The following ITGBL1 variants were observed in gnomAD, a reference collection of about 807,000 sequenced individuals.
ITGBL1 encodes integrin beta-like protein 1.
Under a neutral mutation model 68.5 loss-of-function variants are expected in ITGBL1, and 51 were observed. The ratio of observed to expected loss-of-function variants is 0.74; its 90% CI spans 0.59 to 0.94. The LOEUF is 0.94. ITGBL1 is among the 40% of genes least tolerant of loss of function. The pLI, the probability that ITGBL1 is intolerant of heterozygous loss-of-function variation, is 0.00. For synonymous variants in ITGBL1, 209 were observed against 227.3 expected (o/e 0.92, Z 0.72); for missense variants, 649 against 647.4 (o/e 1.00, Z -0.03).
intron 2 of ITGBL1, among the ~76,000 whole-genome samples, chr13:101,456,646 G>A (rs1322852743): frequency 6.6e-6 from 1 of 151,920 alleles, no homozygotes; most frequent in East Asian, 1.9e-4. Flanking sequence ...TGGGTGTGGT[G>A]GTTCATGCCT....
chr13:101,536,975 G>A (rs115788508), intron 2 of ITGBL1, among the ~76,000 whole-genome samples: 1,851 of 152,022 alleles, frequency 0.012, 26 homozygotes, highest in African/African-American at 0.043. Context: ...CTTTGAGAAG[G>A]ATGCTTTTGT....
intron 2 of ITGBL1, among the ~76,000 whole-genome samples, chr13:101,525,435 T>C (rs2139144532): frequency 6.6e-6 from 1 of 151,762 alleles, no homozygotes; most frequent in South Asian, 2.1e-4. Context: ...GCAACTAAAA[T>C]AGAATTGACT....
intron 7 of ITGBL1, among the ~76,000 whole-genome samples, chr13:101,681,562 C>T (rs557914016): frequency 6.6e-6 from 1 of 152,124 alleles, no homozygotes; most frequent in Admixed American, 6.6e-5. Flanking sequence ...CTGTCTTGTT[C>T]GTCTTCTTGT....
intron 2 of ITGBL1, among the ~76,000 whole-genome samples, chr13:101,507,227 C>T (rs2049040566): frequency 6.6e-6 from 1 of 152,168 alleles, no homozygotes; most frequent in African/African-American, 2.4e-5. Context: ...CCCTGCTTTT[C>T]CTACCAGAAG....
At chr13:101,528,690 G>C (rs1351190205) in intron 2 of ITGBL1, among the ~76,000 whole-genome samples, 1 of 151,948 alleles carries the variant, frequency 6.6e-6, no homozygotes. Flanking sequence ...TATAATGAAT[G>C]TTCTGTCAAA....
At chr13:101,605,792 A>G (rs1165146671) in intron 7 of ITGBL1, among the ~76,000 whole-genome samples, 2 of 4,748 alleles carry the variant, frequency 4.2e-4, no homozygotes, top group Non-Finnish European at 6.5e-3. Flanking sequence ...GTATGTGCGT[A>G]TATGTACTCG....
chr13:101,452,726 T>C lies in ITGBL1; in HGVS notation c.-108T>C. 2.4e-6 allele frequency: 2 copies of C among 834,906 alleles called. No homozygotes were observed. Among genetic ancestry groups the C allele is most frequent in the Admixed American group, 3.7e-5 (2 of 54,020 alleles). 51.7% of individuals were successfully genotyped at this position (834,906 alleles called of 1,614,324 possible). ...ACCTGCAAGCCTGGGTGTCCGTGGG[T>C]CCGTCTGCCCAGCCATCTGCTGGTG... On this transcript the variant is annotated 5_prime_UTR_variant, in exon 1 of 11. Coordinates refer to ENST00000376180, the MANE Select transcript of ITGBL1 (RefSeq NM_004791.3).
chr13:101,457,350 C>T (rs1439093237), intron 2 of ITGBL1, among the ~76,000 whole-genome samples: 2 of 152,288 alleles, frequency 1.3e-5, no homozygotes, highest in Non-Finnish European at 2.9e-5. Context: ...GTAGGGATAA[C>T]TATTTTGGCC....
At chr13:101,525,816 T>C (rs546663560) in intron 2 of ITGBL1, among the ~76,000 whole-genome samples, 9 of 152,194 alleles carry the variant, frequency 5.9e-5, no homozygotes, top group Non-Finnish European at 1.0e-4. Flanking sequence ...GTAATACCTC[T>C]ATTATTAAGC....
intron 4 of ITGBL1, among the ~76,000 whole-genome samples, chr13:101,577,667 T>C (rs1252088446): frequency 1.3e-5 from 2 of 152,184 alleles, no homozygotes; most frequent in Non-Finnish European, 2.9e-5. Flanking sequence ...AGAAAATAAA[T>C]TCCGTAGTCT....
intron 2 of ITGBL1, among the ~76,000 whole-genome samples, chr13:101,528,169 G>T (rs773254319): frequency 1.3e-5 from 2 of 150,936 alleles, no homozygotes; most frequent in Non-Finnish European, 3.0e-5. Flanking sequence ...AATATTTAAT[G>T]GTTTATTAAT....
intron 2 of ITGBL1, among the ~76,000 whole-genome samples, chr13:101,557,117 G>A (rs2050020128): frequency 6.6e-6 from 1 of 152,202 alleles, no homozygotes; most frequent in African/African-American, 2.4e-5. Flanking sequence ...TGAGGAATAA[G>A]GCTGTGGGCA....
intron 2 of ITGBL1, among the ~76,000 whole-genome samples, chr13:101,472,931 A>G (rs1327097968): frequency 2.0e-5 from 3 of 152,164 alleles, no homozygotes; most frequent in Non-Finnish European, 4.4e-5. Flanking sequence ...TCAAGGATTT[A>G]TATATTGATA....
intron 2 of ITGBL1, chr13:101,489,877 G>A: frequency 1.2e-6 from 1 of 844,926 alleles, no homozygotes; most frequent in Non-Finnish European, 1.9e-6. Flanking sequence ...ATAGAAACCA[G>A]TGAGAGGTGG....
intron 7 of ITGBL1, among the ~76,000 whole-genome samples, chr13:101,686,130 G>T (rs1250433474): frequency 6.6e-6 from 1 of 152,026 alleles, no homozygotes; most frequent in Non-Finnish European, 1.5e-5. Flanking sequence ...CTATGCTTTT[G>T]CAACACAAGG....
chr13:101,684,985 C>A (rs1230978090), intron 7 of ITGBL1, among the ~76,000 whole-genome samples: 1 of 151,868 alleles, frequency 6.6e-6, no homozygotes, highest in Non-Finnish European at 1.5e-5. Context: ...TAAAAAGAGT[C>A]ATTTTACATT....
intron 2 of ITGBL1, among the ~76,000 whole-genome samples, chr13:101,493,560 G>T (rs1378590725): frequency 2.6e-5 from 4 of 152,124 alleles, no homozygotes; most frequent in Non-Finnish European, 4.4e-5. Flanking sequence ...TGCTTCAGCT[G>T]CATGACAACT....
chr13:101,485,403 AAG>A (rs2048686979), intron 2 of ITGBL1, among the ~76,000 whole-genome samples: 2 of 152,208 alleles, frequency 1.3e-5, no homozygotes, highest in African/African-American at 4.8e-5. Flanking sequence ...TTCTCAAAAA[AAG>A]ATATACAAAC....
intron 2 of ITGBL1, among the ~76,000 whole-genome samples, chr13:101,497,388 G>A (rs2048872054): frequency 1.3e-5 from 2 of 152,110 alleles, no homozygotes; most frequent in South Asian, 2.1e-4. Flanking sequence ...AGTAGCAGGC[G>A]ATGGAGCCAG....
Sources: gnomAD v4.1 joint callset for allele counts (sites outside exome capture counted in the v4.1 genomes callset) on GRCh38, gnomAD v4.1.1 for gene constraint, MANE v1.5 for transcripts, NCBI Gene and HGNC (gene_info 2026-07-23, HGNC 2026-07-21) for gene names.